DIPK2B: variants seen among roughly 807,000 people sequenced by gnomAD.
The protein encoded by DIPK2B is UPF0672 protein CXorf36.
Under a neutral mutation model 22.2 loss-of-function variants are expected in DIPK2B, and 15 were observed. The observed-to-expected ratio is 0.68, with a 90% CI of 0.45 to 1.04. The LOEUF (loss-of-function observed/expected upper bound fraction) is 1.04, where lower values mean the gene tolerates loss of function less well. DIPK2B is among the 50% of genes least tolerant of loss of function. The pLI, the probability that DIPK2B is intolerant of heterozygous loss-of-function variation, is 0.00. For missense variants in DIPK2B, 345 were observed against 348.3 expected (o/e 0.99, Z 0.08); for synonymous variants, 163 against 153.2 (o/e 1.06, Z -0.47).
intron 2 of DIPK2B, chrX:45,183,193 G>A (rs1356563956): frequency 4.5e-5 from 5 of 112,328 alleles, no homozygotes; most frequent in Non-Finnish European, 9.4e-5. Flanking sequence ...TAGAATTTTG[G>A]TGGATAACAA....
At chrX:45,177,596 G>A (rs1332536961) in intron 2 of DIPK2B, among the ~76,000 whole-genome samples, 1 of 110,964 alleles carries the variant, frequency 9.0e-6, no homozygotes, top group African/African-American at 3.3e-5. Context: ...AGCAGATGCT[G>A]GCACCATGCT....
chrX:45,160,140 G>A (rs150116470), intron 2 of DIPK2B, among the ~76,000 whole-genome samples: 165 of 109,164 alleles, frequency 1.5e-3, no homozygotes, highest in African/African-American at 5.2e-3. Flanking sequence ...CATGCTTCCT[G>A]TACAACCTGA....
In DIPK2B at chrX:45,200,735, G is replaced by C. The variant is rs1042350561; in HGVS notation, c.92C>G (p.Ser31Cys). ...LWVSALSCSF[S>C]LPASSLSSLV... ...AGAAGAAAGGGAAGAAGCTGGCAAG[G>C]AGAAAGAACAGCTCAGGGCTGAGAC... Residue 31 changes from serine (S) to cysteine (C), a missense_variant, in exon 1 of 5, where the codon TCC (serine) becomes TGC (cysteine). Coordinates refer to ENST00000398000, the MANE Select transcript of DIPK2B (RefSeq NM_176819.4). The C allele has an allele frequency of 2.5e-6, 3 of 1,212,014 alleles. No individual in the cohort carries two copies. Among genetic ancestry groups the C allele is most frequent in the African/African-American group, 1.7e-5 (1 of 57,971 alleles).
intron 3 of DIPK2B, 88 bp from the exon 4 acceptor site, chrX:45,154,286 T>A: frequency 2.0e-6 from 1 of 510,390 alleles, no homozygotes; most frequent in African/African-American, 3.0e-5. Flanking sequence ...TCCCTATCTA[T>A]CTATCTATCT....
intron 2 of DIPK2B, among the ~76,000 whole-genome samples, chrX:45,184,628 G>A (rs949106375): frequency 8.9e-6 from 1 of 111,867 alleles, no homozygotes. Flanking sequence ...AGAGAGAAGC[G>A]CTAACACAAT....
chrX:45,154,325 ATCTAT>A (rs2046980452), intron 3 of DIPK2B, 127 bp from the exon 4 acceptor site: 1 of 535,313 alleles, frequency 1.9e-6, no homozygotes, highest in East Asian at 3.8e-5. Context: ...CTATCTGTCT[ATCTAT>A]ATCAATCATC....
intron 2 of DIPK2B, among the ~76,000 whole-genome samples, chrX:45,176,342 C>G (rs936402096): frequency 8.1e-5 from 9 of 111,543 alleles, no homozygotes; most frequent in South Asian, 3.8e-4. Flanking sequence ...GAGGAAAGGA[C>G]TATAGTTTTA....
In DIPK2B at chrX:45,151,877, C is replaced by T; in HGVS notation, c.1077G>A (p.Val359=). Residue 359 remains valine, a synonymous_variant, in exon 5 of 5, where the codon GTG becomes GTA. Transcript: ENST00000398000. ...CESISEKQSL[V]LVCQKLLPRL... ...GAGGCAGCAACTTCTGACACACCAG[C>T]ACCAGGCTCTGCTTCTCAGAGATGC... The T allele has an allele frequency of 8.3e-7, 1 of 1,211,011 alleles. No individual in the cohort carries two copies.
rs1271248698 is a variant in DIPK2B, at chrX:45,148,607, C to G, written c.*3045G>C. The G allele has an allele frequency of 9.1e-6, 1 of 109,682 alleles. No homozygotes were observed. Among genetic ancestry groups the G allele is most frequent in the Non-Finnish European group, 1.9e-5 (1 of 52,721 alleles). 9.0% of individuals were successfully genotyped at this position (109,682 alleles called of 1,213,427 possible). On this transcript the variant is annotated 3_prime_UTR_variant, in exon 5 of 5. Coordinates refer to ENST00000398000, the MANE Select transcript of DIPK2B (RefSeq NM_176819.4). ...CTTGAGTGAGCTCAGCGAGAACTCA[C>G]TCATCACTTCCAGGAGGGCACCAAG...
At chrX:45,185,119 A>G (rs1465574868) in intron 2 of DIPK2B, among the ~76,000 whole-genome samples, 2 of 112,213 alleles carry the variant, frequency 1.8e-5, no homozygotes, top group Non-Finnish European at 3.8e-5. Context: ...ATATTGTGTT[A>G]GAACACAATC....
At chrX:45,188,393 A>G (rs2148348918) in intron 2 of DIPK2B, among the ~76,000 whole-genome samples, 1 of 111,960 alleles carries the variant, frequency 8.9e-6, no homozygotes, top group Admixed American at 9.5e-5. Context: ...AACTAGTGAA[A>G]GCATCGCAAT....
rs748132974 is a variant in DIPK2B, at chrX:45,151,696, A to C, written c.1258T>G (p.Phe420Val). 5 of 1,211,787 alleles carry C rather than the reference A, an allele frequency of 4.1e-6. No homozygotes were observed. The South Asian group carries it at 8.8e-5, about 21-fold the overall frequency. Residue 420 changes from phenylalanine to valine, a missense_variant, in exon 5 of 5, where the codon TTT becomes GTT. Physicochemically the swap from Phe to Val is conservative, Grantham distance 50 (BLOSUM62 -1). Coordinates refer to ENST00000398000, the MANE Select transcript of DIPK2B (RefSeq NM_176819.4). ...TTGCAATCTGGGTAACGATAGGCAA[A>C]TCTGGAGTCACACGTTCTCAGGGGC... Reference protein sequence around the residue: ...LRPLRTCDSRFAYRYPDCKYN... With the variant: ...LRPLRTCDSRVAYRYPDCKYN...
chrX:45,160,164 A>T (rs2047015345), intron 2 of DIPK2B, among the ~76,000 whole-genome samples: 1 of 109,275 alleles, frequency 9.2e-6, no homozygotes, highest in South Asian at 4.0e-4. Flanking sequence ...ACTGTGAGCC[A>T]ATTAAACCTC....
chrX:45,190,843 C>T (rs1301534154), intron 2 of DIPK2B, among the ~76,000 whole-genome samples: 3 of 112,212 alleles, frequency 2.7e-5, no homozygotes, highest in African/African-American at 9.7e-5. Flanking sequence ...ACTTGTTAGG[C>T]CCCCTGGGAT....
At chrX:45,192,722 G>C (rs2047219415) in intron 1 of DIPK2B, among the ~76,000 whole-genome samples, 1 of 112,032 alleles carries the variant, frequency 8.9e-6, no homozygotes, top group South Asian at 3.7e-4. Flanking sequence ...GGAGGTGTGT[G>C]ATTCTACATG....
At chrX:45,173,762 G>A (rs1007111499) in intron 2 of DIPK2B, among the ~76,000 whole-genome samples, 4 of 109,169 alleles carry the variant, frequency 3.7e-5, no homozygotes, top group African/African-American at 1.3e-4. Context: ...GTAGAGACAG[G>A]GTCTTGCTAT....
intron 1 of DIPK2B, among the ~76,000 whole-genome samples, chrX:45,196,706 C>T (rs779135861): frequency 7.2e-5 from 8 of 110,856 alleles, no homozygotes; most frequent in South Asian, 3.9e-4. Context: ...TCCACCCCCA[C>T]ACCCTGCACG....
chrX:45,153,862 C>A, intron 4 of DIPK2B, 48 bp downstream of exon 4: 2 of 1,148,265 alleles, frequency 1.7e-6, no homozygotes, highest in African/African-American at 3.5e-5. Flanking sequence ...GCTCCTGTCA[C>A]CCTGACTTTC....
chrX:45,190,258 A>G (rs955097370), intron 2 of DIPK2B, among the ~76,000 whole-genome samples: 1 of 112,022 alleles, frequency 8.9e-6, no homozygotes, highest in Admixed American at 9.4e-5. Context: ...TTCAGTCAGT[A>G]TTTGCTAAAT....
Sources: allele counts gnomAD v4.1 joint callset (sites outside exome capture counted in the v4.1 genomes callset), GRCh38; gene constraint gnomAD v4.1.1; transcripts MANE v1.5; gene names NCBI Gene and HGNC (gene_info 2026-07-23, HGNC 2026-07-21).